RSF1: variants seen among roughly 807,000 people sequenced by gnomAD.
The protein encoded by RSF1 is remodeling and spacing factor 1, also known as HBV pX-associated protein 8.
A neutral mutation model predicts 145.2 loss-of-function variants in RSF1; 13 were observed. The ratio of observed to expected loss-of-function variants is 0.09; its 90% CI spans 0.06 to 0.14. The LOEUF is 0.14. Ranked by LOEUF, RSF1 falls within the 10% of genes least tolerant of loss-of-function variation. The pLI is 1.00. For missense variants in RSF1, 1,517 were observed against 1,718.2 expected, an observed-to-expected ratio of 0.88 and a Z score of 2.07; for synonymous variants, 577 against 592.6, an observed-to-expected ratio of 0.97 and a Z score of 0.38.
At chr11:77,871,958 C>T in the RSF1 span, among the ~76,000 whole-genome samples, 7 of 152,336 alleles carry the variant, frequency 4.6e-5, no homozygotes, top group Non-Finnish European at 8.8e-5. Flanking sequence ...TTCCATTTCA[C>T]TTGAGCTTTA....
the RSF1 span, among the ~76,000 whole-genome samples, chr11:77,859,435 C>A: frequency 9.2e-4 from 140 of 152,290 alleles, 2 homozygotes; most frequent in African/African-American, 3.0e-3. Flanking sequence ...GGTCTTCCCT[C>A]GGAAGTTAGG....
Position 77,705,716 on chromosome 11 carries a change from G to C in RSF1, c.734-3221C>G, listed in dbSNP as rs1029951358. Among the ~76,000 whole-genome samples, 6 of 152,094 alleles carry C rather than the reference G, an allele frequency of 3.9e-5. 1 individual carries two copies. The highest frequency in any genetic ancestry group is 1.4e-4 in the African/African-American group (6 of 41,416). On this transcript the variant is annotated intron_variant, in intron 5 of 15. Coordinates refer to ENST00000308488, the MANE Select transcript of RSF1 (RefSeq NM_016578.4). ...TGCCCTTTTCCCTTCTTTGGGTCCAGATTCTATACACAATACCTGGAGAAG... is the reference window on the plus strand; with the variant it reads ...TGCCCTTTTCCCTTCTTTGGGTCCACATTCTATACACAATACCTGGAGAAG...
At chr11:77,830,535 G>C in the RSF1 span, among the ~76,000 whole-genome samples, 1 of 138,494 alleles carries the variant, frequency 7.2e-6, no homozygotes, top group South Asian at 2.2e-4. Flanking sequence ...ATGGAGGGCT[G>C]TGTAAAGCTC....
chr11:77,867,384 T>A, the RSF1 span, among the ~76,000 whole-genome samples: 1 of 152,196 alleles, frequency 6.6e-6, no homozygotes, highest in Non-Finnish European at 1.5e-5. Context: ...GTTTCCCACT[T>A]GGGTTTATTC....
chr11:77,772,465 C>T lies in RSF1; in HGVS notation c.188-7776G>A, dbSNP rs564744742. On this transcript the variant is annotated intron_variant, in intron 1 of 15. Coordinates refer to ENST00000308488, the MANE Select transcript of RSF1 (RefSeq NM_016578.4). ...CTGGGATTACACATGTAAGCTACCA[C>T]GCCTGGCCTGTTTCTCATACTTTTC... Among the ~76,000 whole-genome samples, 7 of 152,236 alleles carry T rather than the reference C, an allele frequency of 4.6e-5. No homozygotes were observed. The South Asian group carries it at 1.5e-3, about 32-fold the overall frequency.
intron 1 of RSF1, chr11:77,813,325 A>G (rs576942735): frequency 7.2e-6 from 6 of 833,908 alleles, no homozygotes; most frequent in Middle Eastern, 3.5e-4. Flanking sequence ...TGACTTAAGC[A>G]TCTGCAATGG....
chr11:77,727,424 G>A (rs572206507), intron 4 of RSF1, among the ~76,000 whole-genome samples: 26 of 150,306 alleles, frequency 1.7e-4, no homozygotes, highest in Non-Finnish European at 3.4e-4. Flanking sequence ...GCTTCAAAAC[G>A]TAAGAGAGCT....
intron 1 of RSF1, among the ~76,000 whole-genome samples, chr11:77,787,798 A>G (rs1948471786): frequency 6.6e-6 from 1 of 150,650 alleles, no homozygotes; most frequent in Non-Finnish European, 1.5e-5. Flanking sequence ...TCTACTAAAA[A>G]CTTACCAGGC....
In RSF1 at chr11:77,697,436, T is replaced by TTA. The variant is rs543261730; in HGVS notation, c.2715+1049_2715+1050dup. Among the ~76,000 whole-genome samples, 275 of 140,182 alleles carry TTA rather than the reference T, an allele frequency of 2.0e-3. 2 individuals are homozygous for TTA. The highest frequency in any genetic ancestry group is 3.6e-3 in the Middle Eastern group (1 of 274). 92.0% of individuals were successfully genotyped at this position (140,182 alleles called of 152,430 possible). A position where few individuals can be genotyped will look rare whatever the true frequency, so the allele number is the denominator to read the frequency against. ...AACAGACTCACTTATGAACTGCAAA[T>TTA]TATATATATATATAAATATATTATA... On this transcript the variant is annotated intron_variant, in intron 7 of 15. Transcript: ENST00000308488.
chr11:77,854,882 C>G, the RSF1 span, among the ~76,000 whole-genome samples: 8 of 152,246 alleles, frequency 5.3e-5, no homozygotes, highest in Non-Finnish European at 1.0e-4. Flanking sequence ...GCACCCCCAG[C>G]AGACTTCTGC....
At chr11:77,776,231 A>G (rs533430156) in intron 1 of RSF1, among the ~76,000 whole-genome samples, 6 of 150,748 alleles carry the variant, frequency 4.0e-5, no homozygotes, top group African/African-American at 5.0e-5. Context: ...CAAACAAACA[A>G]AAACGGGGAA....
intron 1 of RSF1, among the ~76,000 whole-genome samples, chr11:77,789,639 C>G (rs1440673286): frequency 6.6e-6 from 1 of 152,214 alleles, no homozygotes; most frequent in Middle Eastern, 3.2e-3. Flanking sequence ...CAGCTCCACC[C>G]TCCACAGTGG....
At chr11:77,756,478 T>A (rs995644549) in intron 2 of RSF1, among the ~76,000 whole-genome samples, 1 of 152,296 alleles carries the variant, frequency 6.6e-6, no homozygotes, top group Non-Finnish European at 1.5e-5. Context: ...CAGTAAATTC[T>A]CATAACAACC....
At position 77,701,392 on chromosome 11, in the gene RSF1, T is replaced by G. The variant is rs774118941; in HGVS notation, c.1837A>C (p.Ser613Arg). 1.5e-5 allele frequency: 24 copies of G among 1,613,924 alleles called. 1 individual carries two copies. In the South Asian group the frequency reaches 2.6e-4, roughly 18 times the overall value. Residue 613 changes from serine to arginine, a missense_variant, in exon 6 of 16, where the codon AGT becomes CGT. Physicochemically the swap from Ser to Arg is moderately radical, Grantham distance 110. This residue lies in a region of RSF1 where 579 missense variants were observed against 553.5 expected (regional missense o/e 1.05). Coordinates refer to ENST00000308488, the MANE Select transcript of RSF1 (RefSeq NM_016578.4). ...LSPIPEEVPKSTLESEKPGSP... is the reference protein window; with the variant it reads ...LSPIPEEVPKRTLESEKPGSP... ...CCAGGCTTTTCTGACTCTAGAGTAC[T>G]CTTTGGAACTTCTTCTGGTATTGGA...
At chr11:77,777,313 C>T (rs947634150) in intron 1 of RSF1, among the ~76,000 whole-genome samples, 30 of 152,152 alleles carry the variant, frequency 2.0e-4, no homozygotes, top group Non-Finnish European at 3.1e-4. Context: ...TAATCCCCGC[C>T]AGGCGAGGTG....
At chr11:77,688,889 G>A (rs1565148906) in intron 9 of RSF1, among the ~76,000 whole-genome samples, 1 of 152,100 alleles carries the variant, frequency 6.6e-6, no homozygotes, top group African/African-American at 2.4e-5. Context: ...GCTCAAACTG[G>A]GTAGTAAAAA....
chr11:77,795,023 AAAATCAG>A (rs1233194574), intron 1 of RSF1, among the ~76,000 whole-genome samples: 1 of 152,192 alleles, frequency 6.6e-6, no homozygotes, highest in East Asian at 1.9e-4. Flanking sequence ...TCAACATATA[AAAATCAG>A]TAGCATTTTT....
intron 4 of RSF1, among the ~76,000 whole-genome samples, chr11:77,733,992 A>C (rs1368936375): frequency 6.6e-6 from 1 of 152,212 alleles, no homozygotes; most frequent in Non-Finnish European, 1.5e-5. Flanking sequence ...TGAGGCCTAA[A>C]GATGAAATAA....
chr11:77,672,009 CA>C (rs747656018), intron 15 of RSF1, 32 bp downstream of exon 15: 1 of 1,560,540 alleles, frequency 6.4e-7, no homozygotes, highest in African/African-American at 1.4e-5. Context: ...TTGCCCTGTC[CA>C]AACTTCTATA....
Sources: allele counts gnomAD v4.1 joint callset (sites outside exome capture counted in the v4.1 genomes callset), GRCh38; gene constraint gnomAD v4.1.1; regional missense constraint gnomAD v4.1.1; transcripts MANE v1.5; gene names NCBI Gene and HGNC (gene_info 2026-07-23, HGNC 2026-07-21).